The following MAP2K3 variants were observed in gnomAD, a reference collection of about 807,000 sequenced individuals.
The protein encoded by MAP2K3 is mitogen-activated protein kinase kinase 3.
A neutral mutation model predicts 46.4 loss-of-function variants in MAP2K3; 30 were observed. The ratio of observed to expected loss-of-function variants is 0.65; its 90% CI spans 0.48 to 0.88. The LOEUF is 0.88. Ranked by LOEUF, MAP2K3 falls within the 40% of genes least tolerant of loss-of-function variation. The pLI is 0.00. For synonymous variants in MAP2K3, 189 were observed against 176.3 expected, an observed-to-expected ratio of 1.07 and a Z score of -0.57; for missense variants, 380 against 464.5, an observed-to-expected ratio of 0.82 and a Z score of 1.67.
intron 1 of MAP2K3, 51 bp from the exon 2 acceptor site, chr17:21,298,362 G>T (rs756550999): frequency 1.2e-6 from 2 of 1,612,038 alleles, no homozygotes; most frequent in Non-Finnish European, 1.7e-6. Context: ...GAGTGCAGGG[G>T]ACATTGATGT....
At chr17:21,309,400 G>A (rs570755788) in intron 9 of MAP2K3, among the ~76,000 whole-genome samples, 6 of 25,528 alleles carry the variant, frequency 2.4e-4, no homozygotes, top group Non-Finnish European at 4.6e-4. Context: ...GCACAGGTTA[G>A]GTTTTTCTTT....
In MAP2K3 at chr17:21,284,780, T is replaced by TCGCCGCCGC. The variant is rs889093120; in HGVS notation, c.-122_-114dup. 6.6e-5 allele frequency: 60 copies of TCGCCGCCGC among 902,338 alleles called. No homozygotes were observed. The highest frequency in any genetic ancestry group is 4.3e-4 in the East Asian group (13 of 30,218). 55.9% of individuals were successfully genotyped at this position (902,338 alleles called of 1,614,324 possible). ...GTCGCCGCCGCAGTCCTCGCCGCAG[T>TCGCCGCCGC]CGCCGCCGCCGCCGCCGCCGCCGCC... On this transcript the variant is annotated 5_prime_UTR_variant, in exon 1 of 12. Transcript: ENST00000342679.
At chr17:21,285,967 C>G (rs894276788) in intron 1 of MAP2K3, among the ~76,000 whole-genome samples, 2 of 151,858 alleles carry the variant, frequency 1.3e-5, no homozygotes, top group South Asian at 4.2e-4. Flanking sequence ...CTGGGTTGTG[C>G]GAGAGATTTC....
At chr17:21,289,914 C>T (rs1277735737) in intron 1 of MAP2K3, among the ~76,000 whole-genome samples, 1 of 152,228 alleles carries the variant, frequency 6.6e-6, no homozygotes, top group African/African-American at 2.4e-5. Context: ...TCCAGCTGTC[C>T]CTCTCCCAGC....
chr17:21,297,421 C>A (rs1044740556), intron 1 of MAP2K3, among the ~76,000 whole-genome samples: 1 of 152,312 alleles, frequency 6.6e-6, no homozygotes, highest in Non-Finnish European at 1.5e-5. Context: ...CAGAAGCTCC[C>A]ACAAGGGCAG....
chr17:21,299,855 G>A (rs36179246), intron 3 of MAP2K3, among the ~76,000 whole-genome samples: 1 of 145,820 alleles, frequency 6.9e-6, no homozygotes, highest in Non-Finnish European at 1.5e-5. Flanking sequence ...GGTGGCAGGC[G>A]CCTATAATCC....
intron 9 of MAP2K3, chr17:21,311,608 C>CTCTGTGTGTGTGTGTG (rs1491218305): frequency 7.0e-6 from 1 of 143,666 alleles, no homozygotes; most frequent in Non-Finnish European, 1.5e-5. Context: ...TTGGAGACAG[C>CTCTGTGTGTGTGTGTG]TGTGTGTGTG....
intron 1 of MAP2K3, 130 bp downstream of exon 1, chr17:21,285,099 C>A (rs1482669035): frequency 1.5e-6 from 2 of 1,358,066 alleles, no homozygotes; most frequent in Non-Finnish European, 2.0e-6. Context: ...TCCCGGAACC[C>A]CTTCCTGTTC....
intron 1 of MAP2K3, among the ~76,000 whole-genome samples, chr17:21,289,580 G>A (rs1975825496): frequency 6.6e-6 from 1 of 152,278 alleles, no homozygotes; most frequent in Non-Finnish European, 1.5e-5. Context: ...TGCCGTCCAC[G>A]CCTGCCCTTG....
chr17:21,300,290 G>A (rs1976518385), intron 3 of MAP2K3, among the ~76,000 whole-genome samples: 1 of 152,308 alleles, frequency 6.6e-6, no homozygotes, highest in Non-Finnish European at 1.5e-5. Flanking sequence ...CCTGCTGGCG[G>A]GGCATTTTGT....
chr17:21,291,968 C>T (rs555914489), intron 1 of MAP2K3, among the ~76,000 whole-genome samples: 12 of 152,426 alleles, frequency 7.9e-5, no homozygotes, highest in Middle Eastern at 3.4e-3. Context: ...GAGTGTGGCT[C>T]GCCCCCAGGC....
At chr17:21,296,196 C>T (rs1164217736) in intron 1 of MAP2K3, 3 of 1,288,922 alleles carry the variant, frequency 2.3e-6, no homozygotes, top group South Asian at 1.2e-5. Context: ...CGTCCTGCAG[C>T]ACTGTGCGGG....
At chr17:21,290,082 C>T (rs566572539) in intron 1 of MAP2K3, among the ~76,000 whole-genome samples, 2 of 152,352 alleles carry the variant, frequency 1.3e-5, no homozygotes, top group South Asian at 2.1e-4. Flanking sequence ...TTCCAAGGCC[C>T]GTCCCAAGGT....
Position 21,304,466 on chromosome 17 carries a change from T to C in MAP2K3, c.609T>C (p.His203=), listed in dbSNP as rs1354689052. ...PSNVLINKEG[H]VKMCDFGISG... Reference sequence around the variant, plus strand: ...ATGTCCTTATCAACAAGGAGGGCCATGTGAAGATGTGTGACTTTGGCATCA... The same window carrying C: ...ATGTCCTTATCAACAAGGAGGGCCACGTGAAGATGTGTGACTTTGGCATCA... Residue 203 remains histidine (H), a synonymous_variant, in exon 8 of 12, where the codon CAT becomes CAC. Transcript: ENST00000342679. 1.9e-6 allele frequency: 3 copies of C among 1,614,318 alleles called. No individual in the cohort carries two copies. Among genetic ancestry groups the C allele is most frequent in the Non-Finnish European group, 2.5e-6 (3 of 1,180,058 alleles).
chr17:21,301,409 T>C (rs1430586833), intron 5 of MAP2K3, among the ~76,000 whole-genome samples: 3 of 152,310 alleles, frequency 2.0e-5, no homozygotes, highest in Non-Finnish European at 4.4e-5. Flanking sequence ...GGGTGTGTGC[T>C]GAGAGAGTGA....
chr17:21,315,054 C>T lies in MAP2K3; in HGVS notation c.*824C>T, dbSNP rs543880334. 1 of 152,688 alleles carries T rather than the reference C, an allele frequency of 6.5e-6. No homozygotes were observed. The highest frequency in any genetic ancestry group is 1.9e-4 in the East Asian group (1 of 5,170). The allele number at this position is 152,688 out of a possible 1,614,324, so 9.5% of individuals were successfully genotyped here. The stretch of plus-strand genomic sequence containing the variant: ...CTGCTCAGAGAAGTGCAGGGGGAGC[C>T]TTCCAGCTCACTCTCCCTGAGGACT... On this transcript the variant is annotated 3_prime_UTR_variant, in exon 12 of 12. Coordinates refer to ENST00000342679, the MANE Select transcript of MAP2K3 (RefSeq NM_145109.3).
chr17:21,296,172 A>G lies in MAP2K3; in HGVS notation c.50-2241A>G, dbSNP rs148616443. ...GAACCCTGTGCTGAGCACCTTGCAG[A>G]CGTGATCTTGCTTCGTCCTGCAGCA... On this transcript the variant is annotated intron_variant, in intron 1 of 11. Transcript: ENST00000342679. 79 of 1,289,604 alleles carry G rather than the reference A, an allele frequency of 6.1e-5. No individual in the cohort carries two copies. The East Asian group carries it at 4.2e-3, about 68-fold the overall frequency. The allele number at this position is 1,289,604 out of a possible 1,614,324, so 79.9% of individuals were successfully genotyped here.
Position 21,304,625 on chromosome 17 carries a change from C to T in MAP2K3, c.696+72C>T, listed in dbSNP as rs376203428. 1.2e-3 allele frequency: 1,849 copies of T among 1,600,376 alleles called. No homozygotes were observed. The African/African-American group carries it at 0.022, about 19-fold the overall frequency. On this transcript the variant is annotated intron_variant, in intron 8 of 11. Transcript: ENST00000342679. Reference sequence around the variant, plus strand: ...GAGAAATCTGCCCAGGCTGGCCACCCCGGCCATACCCTCTGTCCGTAGGGG... The same window carrying T: ...GAGAAATCTGCCCAGGCTGGCCACCTCGGCCATACCCTCTGTCCGTAGGGG...
chr17:21,301,006 A>G lies in MAP2K3; in HGVS notation c.399+13A>G, dbSNP rs74869330. Reference sequence around the variant, plus strand: ...ACTATTCAGAGAGGTGCGTCCTTGCATGATGCAGCTGGGGATCTCCACCTC... The same window carrying G: ...ACTATTCAGAGAGGTGCGTCCTTGCGTGATGCAGCTGGGGATCTCCACCTC... On this transcript the variant is annotated intron_variant, in intron 5 of 11. Transcript: ENST00000342679. 146,341 of 1,444,952 alleles carry G rather than the reference A, an allele frequency of 0.1. No individual in the cohort carries two copies. The highest frequency in any genetic ancestry group is 0.23 in the African/African-American group (16,511 of 70,284). The allele number at this position is 1,444,952 out of a possible 1,614,324, so 89.5% of individuals were successfully genotyped here. A position where few individuals can be genotyped will look rare whatever the true frequency, so the allele number is the denominator to read the frequency against.
Sources: gnomAD v4.1 joint callset for allele counts (sites outside exome capture counted in the v4.1 genomes callset) on GRCh38, gnomAD v4.1.1 for gene constraint, MANE v1.5 for transcripts, NCBI Gene and HGNC (gene_info 2026-07-23, HGNC 2026-07-21) for gene names.